Variants in PDZD2 observed in about 807,000 individuals in gnomAD.
PDZD2 encodes PDZ domain containing 2, also known as PDZ domain-containing protein 2.
Under a neutral mutation model 220.7 loss-of-function variants are expected in PDZD2, and 90 were observed. The ratio of observed to expected loss-of-function variants is 0.41; its 90% CI spans 0.34 to 0.49. PDZD2 has a LOEUF of 0.49. PDZD2 is among the 20% of genes least tolerant of loss of function. PDZD2 has a pLI of 0.28. For missense variants in PDZD2, 3,174 were observed against 3,608.5 expected, an observed-to-expected ratio of 0.88 and a Z score of 3.08; for synonymous variants, 1,375 against 1,450.5, an observed-to-expected ratio of 0.95 and a Z score of 1.18.
chr5:32,019,312 C>A (rs2112128142), intron 6 of PDZD2, among the ~76,000 whole-genome samples: 1 of 151,908 alleles, frequency 6.6e-6, no homozygotes, highest in Admixed American at 6.6e-5. Context: ...CAGCTAATTT[C>A]TTTGTATATT....
intron 2 of PDZD2, among the ~76,000 whole-genome samples, chr5:31,884,258 T>C (rs891703259): frequency 3.3e-5 from 5 of 151,370 alleles, no homozygotes; most frequent in Non-Finnish European, 7.4e-5. Flanking sequence ...CATACATACA[T>C]ACATCCTGGG....
chr5:31,954,778 AAAAC>A (rs1468664754), intron 2 of PDZD2, among the ~76,000 whole-genome samples: 1 of 152,000 alleles, frequency 6.6e-6, no homozygotes, highest in Non-Finnish European at 1.5e-5. Flanking sequence ...AATACAAAGA[AAAAC>A]AAAATTAGCC....
intron 18 of PDZD2, among the ~76,000 whole-genome samples, chr5:32,075,739 G>C (rs977241754): frequency 4.6e-5 from 7 of 152,072 alleles, no homozygotes; most frequent in Non-Finnish European, 7.4e-5. Flanking sequence ...GCTGAACAAA[G>C]AATCTGAGAT....
intron 2 of PDZD2, among the ~76,000 whole-genome samples, chr5:31,881,928 A>G (rs1739966895): frequency 6.6e-6 from 1 of 152,016 alleles, no homozygotes; most frequent in Non-Finnish European, 1.5e-5. Context: ...CACGTTGGCC[A>G]GGCTGGTCTC....
chr5:32,030,962 C>T (rs1456030786), intron 6 of PDZD2, among the ~76,000 whole-genome samples: 1 of 152,250 alleles, frequency 6.6e-6, no homozygotes, highest in Middle Eastern at 3.4e-3. Flanking sequence ...TCTCGGTCTT[C>T]CCTGCAGTTT....
intron 1 of PDZD2, among the ~76,000 whole-genome samples, chr5:31,684,288 C>G (rs1233080215): frequency 1.3e-5 from 2 of 152,170 alleles, no homozygotes; most frequent in Non-Finnish European, 1.5e-5. Context: ...CTCATCTTCT[C>G]TTTCTTGATT....
chr5:31,672,486 T>C (rs894705478), intron 1 of PDZD2, among the ~76,000 whole-genome samples: 7 of 152,134 alleles, frequency 4.6e-5, no homozygotes, highest in African/African-American at 1.7e-4. Context: ...CTGCTTCTCT[T>C]CCCCTGCCAA....
At chr5:32,092,801 T>C (rs1012638848) in intron 20 of PDZD2, 106 bp from the exon 21 acceptor site, 3 of 532,998 alleles carry the variant, frequency 5.6e-6, no homozygotes, top group Non-Finnish European at 9.9e-6. Flanking sequence ...AGAAAATACC[T>C]GTTCTCTTTT....
chr5:31,822,843 G>T (rs1201071522), intron 2 of PDZD2: 2 of 788,510 alleles, frequency 2.5e-6, no homozygotes, highest in African/African-American at 1.7e-5. Flanking sequence ...TGATGGGGAA[G>T]TGCACATACA....
rs780182361 is a variant in PDZD2, at chr5:32,089,346, C to T, written c.5898C>T (p.Thr1966=). ...TGGAAAGCAAGCCACCTCTTGCCAC[C>T]TCTGGGCCACTGAAACCCTCAGTGT... ...CVLESKPPLA[T]SGPLKPSVSD... The change falls in exon 20 of 25, where the codon ACC becomes ACT. Residue 1966 remains threonine (T), a synonymous_variant. Transcript: ENST00000438447. The T allele has an allele frequency of 3.7e-6, 6 of 1,614,088 alleles. No individual in the cohort carries two copies. The highest frequency in any genetic ancestry group is 3.4e-6 in the Non-Finnish European group (4 of 1,180,044).
chr5:31,784,075 G>A (rs1294595777), intron 1 of PDZD2, among the ~76,000 whole-genome samples: 1 of 152,168 alleles, frequency 6.6e-6, no homozygotes, highest in Non-Finnish European at 1.5e-5. Flanking sequence ...AGGCTCCTCG[G>A]TAGGGCTCCA....
intron 2 of PDZD2, among the ~76,000 whole-genome samples, chr5:31,943,499 G>T (rs1746384581): frequency 6.6e-6 from 1 of 152,160 alleles, no homozygotes; most frequent in Non-Finnish European, 1.5e-5. Context: ...TAGTTACCCT[G>T]TGTAATGGTA....
At chr5:32,053,195 T>C (rs1738753361) in intron 9 of PDZD2, among the ~76,000 whole-genome samples, 1 of 152,152 alleles carries the variant, frequency 6.6e-6, no homozygotes, top group Non-Finnish European at 1.5e-5. Context: ...AAGGGTGCAA[T>C]GAATGACCCT....
chr5:31,976,338 G>A (rs1227384767), intron 2 of PDZD2, among the ~76,000 whole-genome samples: 1 of 152,162 alleles, frequency 6.6e-6, no homozygotes, highest in Non-Finnish European at 1.5e-5. Flanking sequence ...GGCTTAGCAG[G>A]TTTTCAAAAG....
chr5:31,880,791 C>CTTTTTTTCTTTTTT (rs1580978227), intron 2 of PDZD2, among the ~76,000 whole-genome samples: 52 of 76,448 alleles, frequency 6.8e-4, no homozygotes, highest in Non-Finnish European at 1.1e-3. Flanking sequence ...TTTTTTTTTT[C>CTTTTTTTCTTTTTT]TTTTTTTTTT....
At chr5:31,999,280 GTT>G (rs60415381) in intron 4 of PDZD2, among the ~76,000 whole-genome samples, 4,081 of 127,674 alleles carry the variant, frequency 0.032, 211 homozygotes, top group African/African-American at 0.11. Flanking sequence ...GGCGGGATTT[GTT>G]TTTTTTTTTT....
At chr5:31,913,004 T>C (rs1022073933) in intron 2 of PDZD2, among the ~76,000 whole-genome samples, 3 of 152,192 alleles carry the variant, frequency 2.0e-5, no homozygotes, top group Non-Finnish European at 4.4e-5. Context: ...CAGTTGCCTT[T>C]GAGAAAAGCA....
At chr5:31,893,631 T>C (rs1741262023) in intron 2 of PDZD2, among the ~76,000 whole-genome samples, 1 of 152,146 alleles carries the variant, frequency 6.6e-6, no homozygotes, top group Non-Finnish European at 1.5e-5. Context: ...ATAAAGAGAT[T>C]TTCCGGTGGA....
In PDZD2 at chr5:31,799,752, A is replaced by G. The variant is rs978460966; in HGVS notation, c.476+28A>G. The stretch of plus-strand genomic sequence containing the variant: ...AAGTAGGGGGAATGCCTGCTGGCAC[A>G]GGGGCTGGACACGGGAACCTGGTGG... On this transcript the variant is annotated intron_variant, in intron 2 of 24. Transcript: ENST00000438447. 5.4e-6 allele frequency: 8 copies of G among 1,491,620 alleles called. No individual in the cohort carries two copies. The African/African-American group carries it at 5.5e-5, about 10-fold the overall frequency. 92.4% of individuals were successfully genotyped at this position (1,491,620 alleles called of 1,614,324 possible). A position where few individuals can be genotyped will look rare whatever the true frequency, so the allele number is the denominator to read the frequency against.
Sources: gnomAD v4.1 joint callset for allele counts (sites outside exome capture counted in the v4.1 genomes callset) on GRCh38, gnomAD v4.1.1 for gene constraint, MANE v1.5 for transcripts, NCBI Gene and HGNC (gene_info 2026-07-23, HGNC 2026-07-21) for gene names.